Variants in MACROH2A1 observed in about 807,000 individuals in gnomAD.
MACROH2A1 encodes the protein core histone macro-H2A.1.
MACROH2A1 carries 2 observed loss-of-function variants against 31.6 expected under a neutral mutation model. The ratio of observed to expected loss-of-function variants is 0.06; its 90% CI spans 0.03 to 0.20. MACROH2A1 has a LOEUF of 0.20. MACROH2A1 is among the 10% of genes least tolerant of loss of function. The pLI is 1.00. For missense variants in MACROH2A1, 230 were observed against 474.0 expected (o/e 0.49, Z 4.78); for synonymous variants, 169 against 189.6 (o/e 0.89, Z 0.89).
At chr5:135,365,377 T>C (rs1355517592) in intron 4 of MACROH2A1, among the ~76,000 whole-genome samples, 4 of 152,102 alleles carry the variant, frequency 2.6e-5, no homozygotes, top group Non-Finnish European at 5.9e-5. Context: ...AATGGCCAAA[T>C]ACCTTACTCT....
chr5:135,381,846 GA>G (rs900961376), intron 2 of MACROH2A1, among the ~76,000 whole-genome samples: 1 of 152,162 alleles, frequency 6.6e-6, no homozygotes, highest in African/African-American at 2.4e-5. Context: ...AGATACAGAA[GA>G]CAGAGTAAAA....
At chr5:135,391,936 T>TGAGCTTCTGAGCTAGCCA (rs1477795373) in intron 1 of MACROH2A1, among the ~76,000 whole-genome samples, 5 of 152,238 alleles carry the variant, frequency 3.3e-5, no homozygotes, top group Admixed American at 3.3e-4. Flanking sequence ...CCTGTCAGCC[T>TGAGCTTCTGAGCTAGCCA]GAGCTTCTGA....
chr5:135,347,789 C>T (rs542036762), intron 6 of MACROH2A1, among the ~76,000 whole-genome samples: 1 of 152,286 alleles, frequency 6.6e-6, no homozygotes, highest in South Asian at 2.1e-4. Context: ...CCCCTGGGGC[C>T]CAGTCTAGCC....
At chr5:135,393,589 A>T (rs1202241790) in intron 1 of MACROH2A1, among the ~76,000 whole-genome samples, 1 of 152,254 alleles carries the variant, frequency 6.6e-6, no homozygotes, top group Non-Finnish European at 1.5e-5. Flanking sequence ...GAAGCTGGTC[A>T]CAGGAGAACA....
At chr5:135,383,700 G>GGGGT (rs781418165) in intron 2 of MACROH2A1, among the ~76,000 whole-genome samples, 2 of 137,224 alleles carry the variant, frequency 1.5e-5, no homozygotes, top group South Asian at 2.4e-4. Flanking sequence ...GATGTGGTGT[G>GGGGT]GTGTGTGTGT....
rs756618017 is a variant in MACROH2A1 at position 135,335,149 on chromosome 5, A to G, written c.954-8T>C. On this transcript the variant is annotated splice_region_variant and splice_polypyrimidine_tract_variant and intron_variant, in intron 8 of 8. Coordinates refer to ENST00000511689, the MANE Select transcript of MACROH2A1 (RefSeq NM_138610.3). ...TGCTTTGGAAAACCGTTCCTGGAGAAGAGAAGATAAGCACTCAGCAACTGG... is the reference window on the plus strand; with the variant it reads ...TGCTTTGGAAAACCGTTCCTGGAGAGGAGAAGATAAGCACTCAGCAACTGG... 3.1e-6 allele frequency: 5 copies of G among 1,613,040 alleles called. No homozygotes were observed. The Admixed American group carries it at 8.3e-5, about 27-fold the overall frequency.
At chr5:135,397,457 A>G (rs957746139) in intron 1 of MACROH2A1, among the ~76,000 whole-genome samples, 8 of 152,198 alleles carry the variant, frequency 5.3e-5, no homozygotes, top group African/African-American at 1.9e-4. Flanking sequence ...GCCTGCCTCA[A>G]ACAATTTTCA....
At chr5:135,391,168 G>A (rs539131071) in intron 1 of MACROH2A1, among the ~76,000 whole-genome samples, 1 of 152,236 alleles carries the variant, frequency 6.6e-6, no homozygotes, top group Non-Finnish European at 1.5e-5. Flanking sequence ...ATGTGTGCCT[G>A]TGTTTTCAGG....
chr5:135,367,994 C>G (rs1488772754), intron 4 of MACROH2A1, among the ~76,000 whole-genome samples: 2 of 152,224 alleles, frequency 1.3e-5, no homozygotes, highest in African/African-American at 4.8e-5. Flanking sequence ...GGCCTCAAGC[C>G]TCTTCCAGGA....
At chr5:135,372,340 A>G (rs1764273118) in intron 2 of MACROH2A1, among the ~76,000 whole-genome samples, 1 of 152,228 alleles carries the variant, frequency 6.6e-6, no homozygotes, top group African/African-American at 2.4e-5. Flanking sequence ...CAGTGCTTAC[A>G]TGGAATCTGG....
chr5:135,374,056 G>A lies in MACROH2A1; in HGVS notation c.173-3914C>T, dbSNP rs116058495. ...TCCTGTGCTGCAGCAGCAGAGGGCC[G>A]GGGCATTTCACCATGGCCAGGGAAA... On this transcript the variant is annotated intron_variant, in intron 2 of 8. Coordinates refer to ENST00000511689, the MANE Select transcript of MACROH2A1 (RefSeq NM_138610.3). 6.8e-3 allele frequency among the ~76,000 whole-genome samples: 1,032 copies of A among 152,198 alleles called. 11 individuals carry two copies. The highest frequency in any genetic ancestry group is 0.024 in the African/African-American group (981 of 41,536).
intron 1 of MACROH2A1, 21 bp from the exon 2 acceptor site, chr5:135,389,147 C>T (rs886406260): frequency 6.8e-5 from 107 of 1,565,910 alleles, no homozygotes; most frequent in Non-Finnish European, 8.6e-5. Flanking sequence ...GAGAGGCACA[C>T]CGGTCAGGGT....
intron 6 of MACROH2A1, chr5:135,350,578 T>C: frequency 2.2e-6 from 1 of 447,998 alleles, no homozygotes. Flanking sequence ...GAAGAAACGA[T>C]TCTGCTGAAC....
intron 8 of MACROH2A1, among the ~76,000 whole-genome samples, chr5:135,337,487 C>T (rs916947434): frequency 1.3e-5 from 2 of 152,262 alleles, no homozygotes; most frequent in African/African-American, 2.4e-5. Context: ...CTGAGGCTTT[C>T]CTTGCCTCTG....
In MACROH2A1 at chr5:135,356,944, C is replaced by T. The variant is rs1377557792; in HGVS notation, c.588+3553G>A. On this transcript the variant is annotated intron_variant, in intron 5 of 8. Transcript: ENST00000511689. The stretch of plus-strand genomic sequence containing the variant: ...TCTCATAACAGATAAGGAAGGAAGC[C>T]TGGCTGACCACCTAAAATGCAGTTA... 3 of 152,312 alleles carry T rather than the reference C, an allele frequency of 2.0e-5. No homozygotes were observed. In the East Asian group the frequency reaches 5.8e-4, roughly 29 times the overall value. The allele number at this position is 152,312 out of a possible 1,614,324, so 9.4% of individuals were successfully genotyped here. A position where few individuals can be genotyped will look rare whatever the true frequency, so the allele number is the denominator to read the frequency against.
chr5:135,366,382 G>C (rs1433877270), intron 4 of MACROH2A1, among the ~76,000 whole-genome samples: 1 of 152,092 alleles, frequency 6.6e-6, no homozygotes, highest in Non-Finnish European at 1.5e-5. Context: ...TGCCAGACAT[G>C]GTTCTATGCA....
intron 1 of MACROH2A1, among the ~76,000 whole-genome samples, chr5:135,389,959 A>G (rs964008956): frequency 1.3e-5 from 2 of 152,206 alleles, no homozygotes; most frequent in African/African-American, 4.8e-5. Flanking sequence ...CCCTGGCCTG[A>G]AAGCTTTCTG....
intron 6 of MACROH2A1, chr5:135,351,159 C>T (rs1053081860): frequency 2.6e-6 from 1 of 379,274 alleles, no homozygotes; most frequent in African/African-American, 2.0e-5. Context: ...GAGAAACACA[C>T]ACATGAGATC....
Position 135,398,289 on chromosome 5 carries a change from C to G in MACROH2A1, c.-34+773G>C, listed in dbSNP as rs7716235. On this transcript the variant is annotated intron_variant, in intron 1 of 8. Transcript: ENST00000511689. The surrounding 1 kb of genome is among the most constrained non-coding windows in gnomAD (Gnocchi z 4.6). ...ACACTCACCTCCCCACTCCACCCCA[C>G]CCCCAGCGAGGCTCTTTCCTGCTGG... Among the ~76,000 whole-genome samples, 1,029 of 152,310 alleles carry G rather than the reference C, an allele frequency of 6.8e-3. 12 individuals carry two copies. The highest frequency in any genetic ancestry group is 0.024 in the African/African-American group (979 of 41,556).
Sources: gnomAD v4.1 joint callset for allele counts (sites outside exome capture counted in the v4.1 genomes callset) on GRCh38, gnomAD v4.1.1 for gene constraint, Gnocchi (gnomAD v3.1) non-coding constraint, MANE v1.5 for transcripts, NCBI Gene and HGNC (gene_info 2026-07-23, HGNC 2026-07-21) for gene names.